The following JMY variants were observed in gnomAD, a reference collection of about 807,000 sequenced individuals.
JMY encodes the protein junction-mediating and -regulatory protein.
In JMY, 46 loss-of-function variants were observed where a neutral mutation model predicts 103.3. That is an observed-to-expected ratio of 0.45 (90% CI 0.35 to 0.57). The LOEUF is 0.57. JMY is among the 20% of genes least tolerant of loss of function. The pLI is 0.00. For missense variants in JMY, 1,238 were observed against 1,255.2 expected (o/e 0.99, Z 0.21); for synonymous variants, 526 against 489.3 (o/e 1.07, Z -0.99).
At position 79,314,759 on chromosome 5, in the gene JMY, G is replaced by C. The variant is rs910246310; in HGVS notation, c.2567G>C (p.Ser856Thr). 2 of 1,613,282 alleles carry C rather than the reference G, an allele frequency of 1.2e-6. No individual in the cohort carries two copies. Among genetic ancestry groups the C allele is most frequent in the Admixed American group, 1.7e-5 (1 of 59,870 alleles). The change falls in exon 9 of 11, where the codon AGT (serine) becomes ACT (threonine). Residue 856 changes from serine to threonine, a missense_variant. Physicochemically the swap from Ser to Thr is moderately conservative, Grantham distance 58 (BLOSUM62 1). Coordinates refer to ENST00000396137, the MANE Select transcript of JMY (RefSeq NM_152405.5). ...GNEKRIPKSA[S>T]APSAHLFDSS... is the part of the protein sequence containing the mutation. ...GAGAAGAGGATCCCAAAGTCAGCCAGTGCCCCCTCAGCACACCTCTTTGAC... is the reference window on the plus strand; with the variant it reads ...GAGAAGAGGATCCCAAAGTCAGCCACTGCCCCCTCAGCACACCTCTTTGAC...
At chr5:79,321,195 CTT>C (rs1168652033) in intron 10 of JMY, among the ~76,000 whole-genome samples, 2 of 152,184 alleles carry the variant, frequency 1.3e-5, no homozygotes, top group East Asian at 3.8e-4. Flanking sequence ...AAGCACAACA[CTT>C]TTCAATAAAA....
At chr5:79,270,881 G>A (rs1745763560) in intron 1 of JMY, among the ~76,000 whole-genome samples, 1 of 151,696 alleles carries the variant, frequency 6.6e-6, no homozygotes, top group Admixed American at 6.6e-5. Flanking sequence ...CTGTTGATAT[G>A]ATCATGTGAT....
intron 1 of JMY, among the ~76,000 whole-genome samples, chr5:79,274,396 G>T (rs6453434): frequency 0.68 from 100,697 of 147,356 alleles, 34,434 homozygotes; most frequent in African/African-American, 0.86. Context: ...TAAAAATAGT[G>T]TTTTTTTTTG....
chr5:79,253,332 G>A (rs1259504798), intron 1 of JMY, among the ~76,000 whole-genome samples: 7 of 151,242 alleles, frequency 4.6e-5, no homozygotes, highest in Non-Finnish European at 7.4e-5. Flanking sequence ...TCGCTCTGTC[G>A]CCCAGGCTGG....
At chr5:79,299,940 G>T (rs546041941) in intron 4 of JMY, among the ~76,000 whole-genome samples, 2 of 151,704 alleles carry the variant, frequency 1.3e-5, no homozygotes, top group Non-Finnish European at 2.9e-5. Flanking sequence ...TACCATGTTT[G>T]CCTACTTCCA....
chr5:79,275,793 C>CT (rs1420846683), intron 1 of JMY, among the ~76,000 whole-genome samples: 1 of 152,136 alleles, frequency 6.6e-6, no homozygotes. Context: ...TTGTTTGGCA[C>CT]TTTTTTTGTT....
At chr5:79,267,222 G>C (rs1011781560) in intron 1 of JMY, among the ~76,000 whole-genome samples, 3 of 152,050 alleles carry the variant, frequency 2.0e-5, no homozygotes, top group Non-Finnish European at 2.9e-5. Flanking sequence ...TACAGTTCTG[G>C]GTTTGTTTTC....
rs1747638540 is a variant in JMY, at chr5:79,326,190, G to C, written c.*4588G>C. ...TTAGGGGAAAGTTTTGTTTTTTGCT[G>C]GTGTTTTTTGTTGTTTTTAATTAGG... On this transcript the variant is annotated 3_prime_UTR_variant, in exon 11 of 11. Coordinates refer to ENST00000396137, the MANE Select transcript of JMY (RefSeq NM_152405.5). The C allele has an allele frequency of 6.6e-6, 1 of 152,000 alleles. No individual in the cohort carries two copies. Among genetic ancestry groups the C allele is most frequent in the African/African-American group, 2.4e-5 (1 of 41,388 alleles). The allele number at this position is 152,000 out of a possible 1,614,324, so 9.4% of individuals were successfully genotyped here.
At chr5:79,282,421 G>A (rs1746145087) in intron 2 of JMY, among the ~76,000 whole-genome samples, 1 of 152,088 alleles carries the variant, frequency 6.6e-6, no homozygotes, top group Non-Finnish European at 1.5e-5. Context: ...TCAAAATGTT[G>A]CCTTTTGTAG....
intron 4 of JMY, among the ~76,000 whole-genome samples, chr5:79,295,592 T>C (rs995857012): frequency 6.6e-6 from 1 of 152,206 alleles, no homozygotes; most frequent in African/African-American, 2.4e-5. Flanking sequence ...ATACATAATT[T>C]CCATGCTTAA....
At chr5:79,280,266 A>C in intron 2 of JMY, among the ~76,000 whole-genome samples, 1 of 152,230 alleles carries the variant, frequency 6.6e-6, no homozygotes, top group Non-Finnish European at 1.5e-5. Context: ...TGTTTAGCAG[A>C]CATAATCTCT....
chr5:79,285,098 A>C (rs1746229410), intron 2 of JMY, among the ~76,000 whole-genome samples: 1 of 152,170 alleles, frequency 6.6e-6, no homozygotes, highest in Non-Finnish European at 1.5e-5. Flanking sequence ...TTATTTTTAA[A>C]TACTTCCTGA....
chr5:79,265,824 A>C (rs1745571545), intron 1 of JMY, among the ~76,000 whole-genome samples: 1 of 137,598 alleles, frequency 7.3e-6, no homozygotes, highest in South Asian at 2.2e-4. Context: ...ACTCTTGTCC[A>C]GGCTGGAGTG....
At position 79,324,521 on chromosome 5, in the gene JMY, T is replaced by TA. The variant is rs756309315; in HGVS notation, c.*2920dup. The TA allele has an allele frequency of 3.3e-5, 5 of 152,234 alleles. No homozygotes were observed. Among genetic ancestry groups the TA allele is most frequent in the Non-Finnish European group, 7.4e-5 (5 of 68,026 alleles). The allele number at this position is 152,234 out of a possible 1,614,324, so 9.4% of individuals were successfully genotyped here. On this transcript the variant is annotated 3_prime_UTR_variant, in exon 11 of 11. Coordinates refer to ENST00000396137, the MANE Select transcript of JMY (RefSeq NM_152405.5). ...GTTTGGGACATTTTGAGATTAATGT[T>TA]ACTGCCCACTTGACTGTCAATTTCA...
At chr5:79,294,918 T>C (rs1449161701) in intron 4 of JMY, among the ~76,000 whole-genome samples, 1 of 151,970 alleles carries the variant, frequency 6.6e-6, no homozygotes, top group Non-Finnish European at 1.5e-5. Flanking sequence ...ATTTTAACAA[T>C]TCCCCATCTA....
chr5:79,282,087 G>T (rs1746133670), intron 2 of JMY, among the ~76,000 whole-genome samples: 1 of 152,054 alleles, frequency 6.6e-6, no homozygotes, highest in African/African-American at 2.4e-5. Context: ...GCCACCTGTA[G>T]TCCCAGCTAC....
chr5:79,245,806 A>G (rs1285665611), intron 1 of JMY, among the ~76,000 whole-genome samples: 1 of 152,056 alleles, frequency 6.6e-6, no homozygotes, highest in Non-Finnish European at 1.5e-5. Flanking sequence ...TTGTATTTTT[A>G]ATAGAGACGG....
Position 79,236,334 on chromosome 5 carries a change from A to T in JMY, c.-317A>T. ...ACCGGAGCGCCGCAGACGCAGCTCCACGGCCTCGCGCGGGGGGCGGCGGGC... is the reference window on the plus strand; with the variant it reads ...ACCGGAGCGCCGCAGACGCAGCTCCTCGGCCTCGCGCGGGGGGCGGCGGGC... On this transcript the variant is annotated 5_prime_UTR_variant, in exon 1 of 11. Coordinates refer to ENST00000396137, the MANE Select transcript of JMY (RefSeq NM_152405.5). 4.7e-6 allele frequency: 1 copy of T among 214,238 alleles called. No homozygotes were observed. The highest frequency in any genetic ancestry group is 9.2e-6 in the Non-Finnish European group (1 of 109,086). The allele number at this position is 214,238 out of a possible 1,614,324, so 13.3% of individuals were successfully genotyped here.
At chr5:79,277,854 TA>T in intron 1 of JMY, 55 bp from the exon 2 acceptor site, 2 of 1,500,822 alleles carry the variant, frequency 1.3e-6, no homozygotes, top group Admixed American at 3.7e-5. Context: ...TCAAAGCAAG[TA>T]TTTATAGGTT....
Sources: allele counts gnomAD v4.1 joint callset (sites outside exome capture counted in the v4.1 genomes callset), GRCh38; gene constraint gnomAD v4.1.1; transcripts MANE v1.5; gene names NCBI Gene and HGNC (gene_info 2026-07-23, HGNC 2026-07-21).